SGCZ: variants seen among roughly 807,000 people sequenced by gnomAD.
SGCZ encodes zeta-sarcoglycan.
A neutral mutation model predicts 41.3 loss-of-function variants in SGCZ; 40 were observed. The ratio of observed to expected loss-of-function variants is 0.97; its 90% CI spans 0.75 to 1.26. The LOEUF is 1.26. Among genes scored for constraint, SGCZ ranks in the 50% most tolerant of loss-of-function variants. The probability of loss-of-function intolerance (pLI) is 0.00; values close to 1 mark genes in which losing one functional copy is unlikely to be tolerated. For synonymous variants in SGCZ, 206 were observed against 137.5 expected, an observed-to-expected ratio of 1.50 and a Z score of -3.49; for missense variants, 552 against 369.8, an observed-to-expected ratio of 1.49 and a Z score of -4.04.
intron 1 of SGCZ, among the ~76,000 whole-genome samples, chr8:15,100,467 T>C (rs1006337007): frequency 1.3e-5 from 2 of 152,116 alleles, no homozygotes; most frequent in Admixed American, 6.5e-5. Context: ...TCTAAATAAA[T>C]AGAGAGTTAA....
At chr8:14,899,369 G>T (rs2130757004) in intron 1 of SGCZ, among the ~76,000 whole-genome samples, 1 of 152,228 alleles carries the variant, frequency 6.6e-6, no homozygotes, top group South Asian at 2.1e-4. Context: ...GAAGATACAT[G>T]AAATGAATGA....
chr8:14,436,142 G>A (rs1389612407), intron 2 of SGCZ, among the ~76,000 whole-genome samples: 1 of 152,100 alleles, frequency 6.6e-6, no homozygotes, highest in African/African-American at 2.4e-5. Flanking sequence ...AATAAACACC[G>A]TGATGTTTCG....
At chr8:14,871,269 C>T (rs185123714) in intron 1 of SGCZ, among the ~76,000 whole-genome samples, 3 of 151,964 alleles carry the variant, frequency 2.0e-5, no homozygotes, top group South Asian at 2.1e-4. Flanking sequence ...AAACAGGAAC[C>T]CTTTTACACT....
intron 2 of SGCZ, among the ~76,000 whole-genome samples, chr8:14,474,844 C>T (rs964100460): frequency 6.6e-6 from 1 of 152,062 alleles, no homozygotes; most frequent in Admixed American, 6.6e-5. Flanking sequence ...AAGTCACAGA[C>T]AGCTTTAATC....
intron 2 of SGCZ, among the ~76,000 whole-genome samples, chr8:14,378,653 C>T (rs1229514558): frequency 6.6e-6 from 1 of 152,144 alleles, no homozygotes; most frequent in Admixed American, 6.6e-5. Flanking sequence ...GCTGGTTGGT[C>T]ACAAGTATAG....
intron 2 of SGCZ, among the ~76,000 whole-genome samples, chr8:14,338,458 G>A (rs1033441806): frequency 6.6e-6 from 1 of 152,134 alleles, no homozygotes. Flanking sequence ...CAATTCTCAA[G>A]AGCCATTCTA....
chr8:14,567,198 A>G (rs1375835589), intron 1 of SGCZ, among the ~76,000 whole-genome samples: 3 of 152,146 alleles, frequency 2.0e-5, no homozygotes, highest in Non-Finnish European at 4.4e-5. Flanking sequence ...GGTCCCATGG[A>G]TCGCCCAAGG....
chr8:14,102,853 C>CAGTATATAACTTACT, intron 6 of SGCZ, among the ~76,000 whole-genome samples: 1 of 152,094 alleles, frequency 6.6e-6, no homozygotes, highest in East Asian at 1.9e-4. Flanking sequence ...AATAACTTAC[C>CAGTATATAACTTACT]AGTATATAAC....
chr8:14,331,788 T>C (rs1264362928), intron 2 of SGCZ, among the ~76,000 whole-genome samples: 3 of 151,806 alleles, frequency 2.0e-5, no homozygotes, highest in East Asian at 3.9e-4. Flanking sequence ...ATATTAAATA[T>C]TGTATTTTGT....
At chr8:14,613,069 G>C (rs937594603) in intron 1 of SGCZ, among the ~76,000 whole-genome samples, 2 of 152,288 alleles carry the variant, frequency 1.3e-5, no homozygotes, top group South Asian at 4.1e-4. Context: ...GCACAAGAGG[G>C]AGGCTGCACC....
chr8:14,166,628 C>G (rs1804219806), intron 4 of SGCZ, among the ~76,000 whole-genome samples: 1 of 152,232 alleles, frequency 6.6e-6, no homozygotes, highest in South Asian at 2.1e-4. Context: ...AAATATATCG[C>G]TGACTTTAAT....
At chr8:14,242,599 C>A (rs772833185) in intron 3 of SGCZ, among the ~76,000 whole-genome samples, 2 of 152,174 alleles carry the variant, frequency 1.3e-5, no homozygotes, top group Non-Finnish European at 2.9e-5. Context: ...GAGCCTCCCT[C>A]TGTTGACGGC....
intron 1 of SGCZ, among the ~76,000 whole-genome samples, chr8:14,862,778 G>C (rs1310207113): frequency 6.6e-6 from 1 of 151,778 alleles, no homozygotes; most frequent in Non-Finnish European, 1.5e-5. Flanking sequence ...GAGAGCAGGA[G>C]GTGTATGAGC....
intron 1 of SGCZ, among the ~76,000 whole-genome samples, chr8:14,827,037 C>A (rs963108115): frequency 3.3e-5 from 5 of 151,674 alleles, no homozygotes; most frequent in African/African-American, 4.8e-5. Context: ...GGTATTGCCT[C>A]GGTTTTCTTC....
At chr8:14,239,199 G>A (rs949748275) in intron 3 of SGCZ, among the ~76,000 whole-genome samples, 2 of 151,268 alleles carry the variant, frequency 1.3e-5, no homozygotes, top group African/African-American at 4.9e-5. Flanking sequence ...TACCCAATAA[G>A]AATACTACTG....
At chr8:15,051,118 T>C (rs946835548) in intron 1 of SGCZ, among the ~76,000 whole-genome samples, 2 of 152,192 alleles carry the variant, frequency 1.3e-5, no homozygotes, top group Admixed American at 6.5e-5. Context: ...GCTTCTTTCT[T>C]CTTCAGTCCT....
intron 1 of SGCZ, among the ~76,000 whole-genome samples, chr8:14,963,852 G>A (rs982803099): frequency 3.9e-5 from 6 of 152,166 alleles, no homozygotes; most frequent in African/African-American, 9.6e-5. Flanking sequence ...AAAGTTTCAC[G>A]CTTTCCTTCA....
intron 1 of SGCZ, among the ~76,000 whole-genome samples, chr8:14,885,199 T>C (rs1027106011): frequency 2.0e-5 from 3 of 152,140 alleles, no homozygotes; most frequent in Admixed American, 2.0e-4. Flanking sequence ...TGCCTGTTTG[T>C]TTTTAAATTG....
intron 5 of SGCZ, among the ~76,000 whole-genome samples, chr8:14,124,590 ATCAT>A (rs1021010911): frequency 1.1e-4 from 17 of 152,204 alleles, no homozygotes; most frequent in African/African-American, 4.1e-4. Context: ...TATAACATCA[ATCAT>A]TCATCTTAAT....
Sources: allele counts gnomAD v4.1 joint callset (sites outside exome capture counted in the v4.1 genomes callset), GRCh38; gene constraint gnomAD v4.1.1; transcripts MANE v1.5; gene names NCBI Gene and HGNC (gene_info 2026-07-23, HGNC 2026-07-21).